Variants in TNN observed in about 807,000 individuals in gnomAD.
The protein encoded by TNN is tenascin N.
In TNN, 122 loss-of-function variants were observed where a neutral mutation model predicts 134.4. The ratio of observed to expected loss-of-function variants is 0.91; its 90% CI spans 0.78 to 1.06. The LOEUF is 1.06. Ranked by LOEUF, TNN falls within the 50% of genes least tolerant of loss-of-function variation. The pLI is 0.00. For missense variants in TNN, 1,739 were observed against 1,699.4 expected (o/e 1.02, Z -0.41); for synonymous variants, 710 against 670.3 (o/e 1.06, Z -0.91).
chr1:175,085,893 A>G (rs1006484101), intron 6 of TNN, among the ~76,000 whole-genome samples: 1 of 151,618 alleles, frequency 6.6e-6, no homozygotes. Context: ...AAAAAAAAAA[A>G]AGAGAATTCT....
intron 17 of TNN, among the ~76,000 whole-genome samples, chr1:175,139,494 C>G (rs1675895510): frequency 6.6e-6 from 1 of 152,330 alleles, no homozygotes; most frequent in Admixed American, 6.5e-5. Flanking sequence ...TCCACCTCCG[C>G]ATCTTGTCCC....
intron 17 of TNN, among the ~76,000 whole-genome samples, chr1:175,143,275 G>A (rs1675980243): frequency 6.6e-6 from 1 of 152,230 alleles, no homozygotes; most frequent in South Asian, 2.1e-4. Context: ...TTAGAGCTGA[G>A]ATATAAATGT....
intron 12 of TNN, among the ~76,000 whole-genome samples, chr1:175,124,127 A>C (rs1205430947): frequency 6.6e-6 from 1 of 152,170 alleles, no homozygotes; most frequent in East Asian, 1.9e-4. Context: ...AGCATCACTG[A>C]GGTCAGAACC....
intron 17 of TNN, among the ~76,000 whole-genome samples, chr1:175,140,744 G>A (rs1170774748): frequency 2.0e-5 from 3 of 152,144 alleles, no homozygotes; most frequent in Non-Finnish European, 4.4e-5. Context: ...CAGCATTTAG[G>A]CAGCGATCTA....
At chr1:175,129,098 T>G (rs1429099519) in intron 15 of TNN, among the ~76,000 whole-genome samples, 1 of 152,184 alleles carries the variant, frequency 6.6e-6, no homozygotes. Context: ...ATGCACCCTA[T>G]GTACAAGACT....
chr1:175,093,853 CTGA>C (rs1445964474), intron 6 of TNN, 134 bp from the exon 7 acceptor site: 1 of 823,190 alleles, frequency 1.2e-6, no homozygotes, highest in African/African-American at 1.7e-5. Context: ...CCACTTGTCA[CTGA>C]TGATGGAGAG....
chr1:175,077,700 G>C lies in TNN; in HGVS notation c.282G>C (p.Thr94=). 6.2e-7 allele frequency: 1 copy of C among 1,614,218 alleles called. No homozygotes were observed. The part of the protein sequence containing the change: ...IIFRHNIRLQ[T]PQKDCELAGS... Reference sequence around the variant, plus strand: ...TCAGGCACAACATCCGCCTTCAGACGCCACAGAAGGACTGCGAGTTGGCAG... The same window carrying C: ...TCAGGCACAACATCCGCCTTCAGACCCCACAGAAGGACTGCGAGTTGGCAG... Residue 94 remains threonine, a synonymous_variant, in exon 2 of 19, where the codon ACG becomes ACC. Transcript: ENST00000239462.
intron 9 of TNN, among the ~76,000 whole-genome samples, chr1:175,114,798 T>G (rs1290918496): frequency 1.3e-5 from 2 of 152,012 alleles, no homozygotes; most frequent in Non-Finnish European, 2.9e-5. Flanking sequence ...ATTGCTGTAA[T>G]TTGGAAACCT....
At chr1:175,075,884 C>G (rs1674028064) in intron 1 of TNN, among the ~76,000 whole-genome samples, 1 of 152,138 alleles carries the variant, frequency 6.6e-6, no homozygotes, top group Admixed American at 6.5e-5. Flanking sequence ...GCAGGGAGAG[C>G]CTGTGCTCAA....
At position 175,079,594 on chromosome 1, in the gene TNN, T is replaced by C. The variant is rs375734720; in HGVS notation, c.671T>C (p.Met224Thr). The C allele has an allele frequency of 2.4e-5, 39 of 1,594,312 alleles. No homozygotes were observed. The African/African-American group carries it at 5.0e-4, about 20-fold the overall frequency. ...RGVCQCHEDFMSEDCSEKRCP... is the reference protein window; with the variant it reads ...RGVCQCHEDFTSEDCSEKRCP... The stretch of plus-strand genomic sequence containing the variant: ...GTGTGCCAGTGCCACGAAGACTTCA[T>C]GTCGGAGGACTGCAGCGAGAAGCGC... The change falls in exon 3 of 19, where the codon ATG becomes ACG. Residue 224 changes from methionine (M) to threonine (T), a missense_variant. Physicochemically the swap from Met to Thr is moderately conservative, Grantham distance 81 (BLOSUM62 -1). Coordinates refer to ENST00000239462, the MANE Select transcript of TNN (RefSeq NM_022093.2).
intron 9 of TNN, among the ~76,000 whole-genome samples, chr1:175,111,955 C>A (rs1336185171): frequency 6.6e-6 from 1 of 151,872 alleles, no homozygotes; most frequent in East Asian, 1.9e-4. Context: ...AATTTGGCTT[C>A]CTCTTTTTCA....
intron 9 of TNN, among the ~76,000 whole-genome samples, chr1:175,100,458 TC>T (rs1312227243): frequency 6.6e-6 from 1 of 152,208 alleles, no homozygotes; most frequent in East Asian, 1.9e-4. Context: ...TCCAAATAAA[TC>T]CCTTCTTCAA....
intron 15 of TNN, among the ~76,000 whole-genome samples, chr1:175,130,718 G>A (rs746232917): frequency 6.6e-6 from 1 of 152,068 alleles, no homozygotes; most frequent in Non-Finnish European, 1.5e-5. Flanking sequence ...ACTATGTGTC[G>A]GCACTGCTTC....
At position 175,128,214 on chromosome 1, in the gene TNN, C is replaced by T. The variant is rs749759600; in HGVS notation, c.3178+50C>T. 5.4e-5 allele frequency: 82 copies of T among 1,508,980 alleles called. No homozygotes were observed. The South Asian group carries it at 7.7e-4, about 14-fold the overall frequency. 93.5% of individuals were successfully genotyped at this position (1,508,980 alleles called of 1,614,324 possible). On this transcript the variant is annotated intron_variant, in intron 14 of 18. Coordinates refer to ENST00000239462, the MANE Select transcript of TNN (RefSeq NM_022093.2). ...ACGACCGTGCAATGAGAACCAGCACCGGAAAGCCTAGCAAAGGAGTCCAGG... is the reference window on the plus strand; with the variant it reads ...ACGACCGTGCAATGAGAACCAGCACTGGAAAGCCTAGCAAAGGAGTCCAGG...
chr1:175,142,719 G>A (rs1675969364), intron 17 of TNN, among the ~76,000 whole-genome samples: 1 of 152,034 alleles, frequency 6.6e-6, no homozygotes, highest in Non-Finnish European at 1.5e-5. Context: ...CCGGATTCAA[G>A]CAATTCTTCT....
intron 9 of TNN, among the ~76,000 whole-genome samples, chr1:175,112,344 A>G (rs993679287): frequency 2.0e-5 from 3 of 152,022 alleles, no homozygotes; most frequent in African/African-American, 7.2e-5. Context: ...TCTCACTTGT[A>G]TCCTCTTGCT....
At chr1:175,134,168 A>C (rs1261436794) in intron 15 of TNN, among the ~76,000 whole-genome samples, 1 of 152,180 alleles carries the variant, frequency 6.6e-6, no homozygotes, top group Non-Finnish European at 1.5e-5. Flanking sequence ...CAGCCCTTAC[A>C]TCCAATTGCT....
intron 6 of TNN, among the ~76,000 whole-genome samples, chr1:175,087,027 C>T (rs1454926337): frequency 1.3e-5 from 2 of 152,278 alleles, no homozygotes; most frequent in East Asian, 3.9e-4. Context: ...CAAGATTGCC[C>T]AGCCAGGAAA....
At chr1:175,075,711 A>G (rs796592569) in intron 1 of TNN, among the ~76,000 whole-genome samples, 5 of 152,324 alleles carry the variant, frequency 3.3e-5, no homozygotes, top group African/African-American at 1.2e-4. Context: ...CATACCAGAC[A>G]TAGTGCTCAC....
Sources: gnomAD v4.1 joint callset for allele counts (sites outside exome capture counted in the v4.1 genomes callset) on GRCh38, gnomAD v4.1.1 for gene constraint, MANE v1.5 for transcripts, NCBI Gene and HGNC (gene_info 2026-07-23, HGNC 2026-07-21) for gene names.